Variants in NBPF11 observed in about 807,000 individuals in gnomAD.
NBPF11 encodes NBPF member 11, also known as NBPF family member NBPF11.
Under a neutral mutation model 93.9 loss-of-function variants are expected in NBPF11, and 72 were observed. The observed-to-expected ratio is 0.77, with a 90% CI of 0.63 to 0.93. The LOEUF is 0.93. Ranked by LOEUF, NBPF11 falls within the 40% of genes least tolerant of loss-of-function variation. NBPF11 has a pLI of 0.00. For synonymous variants in NBPF11, 224 were observed against 304.9 expected, an observed-to-expected ratio of 0.73 and a Z score of 2.76; for missense variants, 705 against 802.2, an observed-to-expected ratio of 0.88 and a Z score of 1.46.
chr1:148,150,153 C>T (rs1275526614), intron 1 of NBPF11, among the ~76,000 whole-genome samples: 72 of 135,020 alleles, frequency 5.3e-4, no homozygotes, highest in Admixed American at 8.1e-4. Flanking sequence ...ATGACCTGTA[C>T]TTTTTTTTTT....
chr1:148,146,307 G>A, intron 1 of NBPF11: 1 of 1,361,952 alleles, frequency 7.3e-7, no homozygotes, highest in Non-Finnish European at 9.4e-7. Context: ...CCGCGACTCG[G>A]AGCACCCCAC....
intron 1 of NBPF11, chr1:148,146,401 G>T: frequency 6.3e-7 from 1 of 1,598,270 alleles, no homozygotes; most frequent in Non-Finnish European, 8.5e-7. Context: ...CGCCATGAAC[G>T]GGCTGTCGCT....
chr1:148,127,820 T>C (rs1273327309), intron 4 of NBPF11, among the ~76,000 whole-genome samples: 2 of 151,486 alleles, frequency 1.3e-5, no homozygotes, highest in African/African-American at 2.4e-5. Context: ...TTTTTCTTTT[T>C]TTTTTTTTTG....
intron 1 of NBPF11, chr1:148,149,310 A>G: frequency 1.3e-6 from 2 of 1,596,952 alleles, no homozygotes; most frequent in Admixed American, 1.7e-5. Context: ...CGCGACACCA[A>G]GAAGACCTAC....
intron 22 of NBPF11, 92 bp downstream of exon 22, chr1:148,105,267 CT>C (rs1398064393): frequency 1.5e-6 from 1 of 668,998 alleles, no homozygotes; most frequent in Non-Finnish European, 2.7e-6. Flanking sequence ...GCAATGACAT[CT>C]CTCAGCTCAG....
intron 21 of NBPF11, among the ~76,000 whole-genome samples, 153 bp from the exon 22 acceptor site, chr1:148,105,681 C>A (rs1303218092): frequency 7.8e-6 from 1 of 128,302 alleles, no homozygotes; most frequent in Middle Eastern, 3.6e-3. Flanking sequence ...CATGTTGGGA[C>A]AGAACAGGGC....
At chr1:148,111,796 G>C (rs1231959811) in intron 15 of NBPF11, among the ~76,000 whole-genome samples, 1 of 151,528 alleles carries the variant, frequency 6.6e-6, no homozygotes. Flanking sequence ...TGAAAGTGAC[G>C]GGGAGAATGG....
chr1:148,105,223 T>A, intron 22 of NBPF11, 137 bp downstream of exon 22: 1 of 595,046 alleles, frequency 1.7e-6, no homozygotes. Context: ...TAGAGTTTCA[T>A]TCAACCTACA....
At chr1:148,140,844 A>T (rs2149289619) in intron 2 of NBPF11, among the ~76,000 whole-genome samples, 1 of 151,556 alleles carries the variant, frequency 6.6e-6, no homozygotes. Context: ...TTCATTCAAA[A>T]TCCTGCACGT....
intron 10 of NBPF11, among the ~76,000 whole-genome samples, chr1:148,120,248 G>A (rs1337864584): frequency 1.3e-5 from 2 of 152,114 alleles, no homozygotes; most frequent in Non-Finnish European, 2.9e-5. Context: ...AGGTCATTCT[G>A]TGCCTGTGTC....
intron 1 of NBPF11, among the ~76,000 whole-genome samples, chr1:148,150,232 A>T (rs1647947771): frequency 6.8e-6 from 1 of 146,268 alleles, no homozygotes; most frequent in Non-Finnish European, 1.5e-5. Context: ...GCTCACTGCA[A>T]TCTCAACCTC....
rs1359909206 is a variant in NBPF11, at chr1:148,103,647, C to G, written c.*249G>C. ...TAGGTCCTGCCTGCAGGAATGACAC[C>G]TCTCGGCTTAGTAAGGGCTGCTTAT... On this transcript the variant is annotated 3_prime_UTR_variant, in exon 24 of 24. Transcript: ENST00000682118. The G allele has an allele frequency of 1.9e-6, 3 of 1,610,938 alleles. No homozygotes were observed. The African/African-American group carries it at 4.0e-5, about 22-fold the overall frequency.
chr1:148,122,791 T>G lies in NBPF11; in HGVS notation c.504A>C (p.Glu168Asp), dbSNP rs1553271911. The change falls in exon 8 of 24, where the codon GAA becomes GAC. Residue 168 changes from glutamate (E) to aspartate (D), a missense_variant. Physicochemically the swap from Glu to Asp is conservative, Grantham distance 45. Transcript: ENST00000682118. ...CAACTTGAACATCTTCATCCTCATC[T>G]TCGTCATTTTCTATAAATACAAAAT... Reference protein sequence around the residue: ...LVQKLSPENDEDEDEDVQVEE... With the variant: ...LVQKLSPENDDDEDEDVQVEE... 6.2e-7 allele frequency: 1 copy of G among 1,609,950 alleles called. No homozygotes were observed. The highest frequency in any genetic ancestry group is 2.2e-5 in the East Asian group (1 of 44,884).
chr1:148,116,296 G>T (rs1337922713), intron 13 of NBPF11, among the ~76,000 whole-genome samples, 167 bp downstream of exon 13: 6 of 152,028 alleles, frequency 3.9e-5, no homozygotes, highest in Admixed American at 1.3e-4. Context: ...CACACATAGA[G>T]AAACATGACA....
chr1:148,150,614 A>G (rs1204238373), intron 1 of NBPF11, among the ~76,000 whole-genome samples: 2 of 151,964 alleles, frequency 1.3e-5, no homozygotes, highest in South Asian at 4.1e-4. Context: ...AAGATTAAAA[A>G]CCACCAGCAC....
chr1:148,138,564 A>G (rs1303776084), intron 2 of NBPF11, among the ~76,000 whole-genome samples: 1 of 151,722 alleles, frequency 6.6e-6, no homozygotes, highest in Non-Finnish European at 1.5e-5. Context: ...ATGACTCTTA[A>G]CAAGCATGCT....
chr1:148,146,408 C>T (rs1673086121), intron 1 of NBPF11: 6 of 1,601,582 alleles, frequency 3.7e-6, no homozygotes, highest in Admixed American at 3.3e-5. Flanking sequence ...AACGGGCTGT[C>T]GCTGAGTGAG....
chr1:148,149,467 G>A (rs1434471277), intron 1 of NBPF11: 1 of 1,590,424 alleles, frequency 6.3e-7, no homozygotes, highest in African/African-American at 1.4e-5. Flanking sequence ...AGCCGCTGTG[G>A]GTGGAGGGCG....
chr1:148,146,332 G>A (rs1292859961), intron 1 of NBPF11: 19 of 1,403,638 alleles, frequency 1.4e-5, no homozygotes, highest in Non-Finnish European at 1.7e-5. Context: ...CCCCTGCCGG[G>A]CCAGGCCGGG....
Sources: gnomAD v4.1 joint callset for allele counts (sites outside exome capture counted in the v4.1 genomes callset) on GRCh38, gnomAD v4.1.1 for gene constraint, MANE v1.5 for transcripts, NCBI Gene and HGNC (gene_info 2026-07-23, HGNC 2026-07-21) for gene names.